The following HECTD2 variants were observed in gnomAD, a reference collection of about 807,000 sequenced individuals.
HECTD2 encodes probable E3 ubiquitin-protein ligase HECTD2.
In HECTD2, 35 loss-of-function variants were observed where a neutral mutation model predicts 103.2. The observed-to-expected ratio is 0.34, with a 90% confidence interval of 0.26 to 0.45. HECTD2 has a LOEUF of 0.45. Ranked by LOEUF, HECTD2 falls within the 20% of genes least tolerant of loss-of-function variation. The pLI, the probability that HECTD2 is intolerant of heterozygous loss-of-function variation, is 1.00. For synonymous variants in HECTD2, 281 were observed against 329.9 expected, an observed-to-expected ratio of 0.85 and a Z score of 1.61; for missense variants, 596 against 937.4, an observed-to-expected ratio of 0.64 and a Z score of 4.76.
intron 2 of HECTD2, among the ~76,000 whole-genome samples, chr10:91,452,790 C>T (rs1844893391): frequency 1.3e-5 from 2 of 152,120 alleles, no homozygotes; most frequent in South Asian, 4.2e-4. Flanking sequence ...AAGGATATGC[C>T]ACTAAATTTT....
At chr10:91,420,537 G>A (rs978948818) in intron 1 of HECTD2, among the ~76,000 whole-genome samples, 9 of 151,000 alleles carry the variant, frequency 6.0e-5, no homozygotes, top group Admixed American at 1.3e-4. Context: ...GCAGTGAGCC[G>A]AGATCGTGCC....
rs1261847931 is a variant in HECTD2 at position 91,513,896 on chromosome 10, C to CTT, written c.*1514_*1515dup. 1 of 152,554 alleles carries CTT rather than the reference C, an allele frequency of 6.6e-6. No individual in the cohort carries two copies. Among genetic ancestry groups the CTT allele is most frequent in the Admixed American group, 6.5e-5 (1 of 15,268 alleles). The allele number at this position is 152,554 out of a possible 1,614,324, so 9.5% of individuals were successfully genotyped here. A position where few individuals can be genotyped will look rare whatever the true frequency, so the allele number is the denominator to read the frequency against. The stretch of plus-strand genomic sequence containing the variant: ...ACAAATCTTTGAGGAAAAGGGGTCA[C>CTT]TTTGTTTACTATTCTCTTGGAGATG... On this transcript the variant is annotated 3_prime_UTR_variant, in exon 21 of 21. Transcript: ENST00000298068.
At chr10:91,423,443 T>A (rs1343561712) in intron 1 of HECTD2, among the ~76,000 whole-genome samples, 1 of 152,142 alleles carries the variant, frequency 6.6e-6, no homozygotes, top group African/African-American at 2.4e-5. Context: ...ATTACTGAGC[T>A]GAAATCTGGC....
At chr10:91,423,534 G>T (rs1345752477) in intron 1 of HECTD2, among the ~76,000 whole-genome samples, 1 of 152,066 alleles carries the variant, frequency 6.6e-6, no homozygotes, top group Non-Finnish European at 1.5e-5. Context: ...AAATGCATAT[G>T]TGTTTTTACT....
chr10:91,462,698 A>C, intron 5 of HECTD2: 1 of 988,696 alleles, frequency 1.0e-6, no homozygotes, highest in Non-Finnish European at 1.2e-6. Context: ...TGCATATTTG[A>C]AGGACTAAGT....
At chr10:91,509,281 A>G (rs1847328189) in intron 20 of HECTD2, among the ~76,000 whole-genome samples, 1 of 152,168 alleles carries the variant, frequency 6.6e-6, no homozygotes, top group African/African-American at 2.4e-5. Flanking sequence ...TAATTAAAAA[A>G]AATAAATTTA....
intron 14 of HECTD2, among the ~76,000 whole-genome samples, chr10:91,494,371 G>A (rs536460100): frequency 3.8e-4 from 58 of 152,116 alleles, no homozygotes; most frequent in African/African-American, 1.3e-3. Context: ...AGAGTGGTGG[G>A]ACATTATAAG....
At chr10:91,423,661 A>T (rs183143982) in intron 1 of HECTD2, among the ~76,000 whole-genome samples, 7 of 152,130 alleles carry the variant, frequency 4.6e-5, no homozygotes, top group African/African-American at 1.7e-4. Flanking sequence ...GAAATGAAGG[A>T]GTTAACTAAT....
chr10:91,474,576 A>T (rs1286422026), intron 5 of HECTD2, among the ~76,000 whole-genome samples: 1 of 152,186 alleles, frequency 6.6e-6, no homozygotes, highest in Non-Finnish European at 1.5e-5. Context: ...TTTTATTTGC[A>T]TCTTGGAAGG....
chr10:91,489,782 A>G (rs942084642), intron 11 of HECTD2: 1 of 152,218 alleles, frequency 6.6e-6, no homozygotes, highest in African/African-American at 2.4e-5. Flanking sequence ...AAAGCTCCAA[A>G]TTAGTGTTTT....
chr10:91,426,209 A>G (rs375841690), intron 2 of HECTD2, among the ~76,000 whole-genome samples: 2 of 152,174 alleles, frequency 1.3e-5, no homozygotes, highest in East Asian at 3.9e-4. Context: ...TTGTGTATAT[A>G]TTATTAATGT....
chr10:91,469,803 A>G (rs1257772218), intron 5 of HECTD2, among the ~76,000 whole-genome samples: 2 of 152,188 alleles, frequency 1.3e-5, no homozygotes, highest in African/African-American at 4.8e-5. Context: ...GAAAGACCAA[A>G]CTATATGCTG....
intron 14 of HECTD2, among the ~76,000 whole-genome samples, chr10:91,495,992 T>G (rs1846650134): frequency 6.6e-6 from 1 of 152,152 alleles, no homozygotes; most frequent in African/African-American, 2.4e-5. Flanking sequence ...TTGAATACTA[T>G]CAACTAAACC....
intron 5 of HECTD2, among the ~76,000 whole-genome samples, chr10:91,464,866 T>C (rs1332458558): frequency 1.3e-5 from 2 of 152,202 alleles, no homozygotes; most frequent in African/African-American, 2.4e-5. Flanking sequence ...TAATATGTTA[T>C]ATATGTTAAA....
intron 1 of HECTD2, among the ~76,000 whole-genome samples, chr10:91,413,792 G>A (rs1251364631): frequency 6.6e-6 from 1 of 152,214 alleles, no homozygotes; most frequent in African/African-American, 2.4e-5. Context: ...AATGGCAGTG[G>A]CAGTGGTTCC....
chr10:91,485,356 G>T, intron 10 of HECTD2, 53 bp downstream of exon 10: 2 of 1,366,330 alleles, frequency 1.5e-6, no homozygotes, highest in African/African-American at 1.5e-5. Context: ...CTATTCAAAA[G>T]AATGACTAGA....
chr10:91,446,139 T>C (rs1844605508), intron 2 of HECTD2, among the ~76,000 whole-genome samples: 1 of 151,884 alleles, frequency 6.6e-6, no homozygotes, highest in South Asian at 2.1e-4. Context: ...AGCTGGCATC[T>C]GGCAGGTGCC....
In HECTD2 at chr10:91,437,976, C is replaced by A. The variant is rs565317225; in HGVS notation, c.268+12566C>A. Among the ~76,000 whole-genome samples the A allele has an allele frequency of 2.0e-5, 3 of 152,014 alleles. No homozygotes were observed. The South Asian group carries it at 6.2e-4, about 32-fold the overall frequency. On this transcript the variant is annotated intron_variant, in intron 2 of 20. Coordinates refer to ENST00000298068, the MANE Select transcript of HECTD2 (RefSeq NM_182765.6). ...TTTTTAAAAAAACAATTTATTAGAG[C>A]ATAATTATATTAAGCAGAGTTGCTG...
chr10:91,496,450 T>C (rs2133334849), intron 15 of HECTD2, 78 bp downstream of exon 15: 1 of 957,996 alleles, frequency 1.0e-6, no homozygotes, highest in Non-Finnish European at 1.6e-6. Flanking sequence ...CTCCTCCTAA[T>C]GCTATTCTTA....
Sources: gnomAD v4.1 joint callset for allele counts (sites outside exome capture counted in the v4.1 genomes callset) on GRCh38, gnomAD v4.1.1 for gene constraint, MANE v1.5 for transcripts, NCBI Gene and HGNC (gene_info 2026-07-23, HGNC 2026-07-21) for gene names.